ZNF420: variants seen among roughly 807,000 people sequenced by gnomAD.
ZNF420 encodes the protein ATM and p53-associated KZNF protein.
A neutral mutation model predicts 44.7 loss-of-function variants in ZNF420; 31 were observed. That is an observed-to-expected ratio of 0.69 (90% CI 0.52 to 0.94). The LOEUF is 0.94. ZNF420 is among the 40% of genes least tolerant of loss of function. The probability of loss-of-function intolerance (pLI) is 0.00; values close to 1 mark genes in which losing one functional copy is unlikely to be tolerated. For missense variants in ZNF420, 681 were observed against 827.9 expected (o/e 0.82, Z 2.18); for synonymous variants, 245 against 267.4 (o/e 0.92, Z 0.82).
intron 1 of ZNF420, among the ~76,000 whole-genome samples, chr19:37,042,248 C>T (rs1367489831): frequency 1.3e-5 from 2 of 152,226 alleles, no homozygotes; most frequent in African/African-American, 2.4e-5. Context: ...CCACCTGCCT[C>T]AGCCTCCCAA....
intron 1 of ZNF420, among the ~76,000 whole-genome samples, chr19:37,017,854 T>C (rs2074619016): frequency 6.6e-6 from 1 of 152,102 alleles, no homozygotes; most frequent in Non-Finnish European, 1.5e-5. Context: ...GGCATCCAAA[T>C]TGAAGACAAT....
At chr19:37,119,105 C>G (rs1219856895) in intron 4 of ZNF420, among the ~76,000 whole-genome samples, 2 of 152,122 alleles carry the variant, frequency 1.3e-5, no homozygotes, top group Non-Finnish European at 2.9e-5. Flanking sequence ...GAACTCAGCT[C>G]TGCACCAAGC....
intron 1 of ZNF420, among the ~76,000 whole-genome samples, chr19:37,008,608 A>G (rs932311159): frequency 1.3e-5 from 2 of 152,218 alleles, no homozygotes; most frequent in Non-Finnish European, 2.9e-5. Context: ...TCTCTGACAA[A>G]TGAAGCCACA....
At chr19:37,017,012 T>G (rs1211013229) in intron 1 of ZNF420, among the ~76,000 whole-genome samples, 3 of 152,280 alleles carry the variant, frequency 2.0e-5, no homozygotes, top group African/African-American at 7.2e-5. Flanking sequence ...AAGTGCAGAA[T>G]TCTTACTATT....
intron 2 of ZNF420, among the ~76,000 whole-genome samples, chr19:37,087,719 C>T (rs1423401422): frequency 1.3e-5 from 2 of 152,188 alleles, no homozygotes; most frequent in Non-Finnish European, 2.9e-5. Flanking sequence ...GATCTCGGCT[C>T]GCTGCAAGCT....
chr19:37,101,644 G>A (rs530225542), intron 4 of ZNF420, among the ~76,000 whole-genome samples: 1 of 152,350 alleles, frequency 6.6e-6, no homozygotes, highest in East Asian at 1.9e-4. Context: ...CAGCATTAAA[G>A]GGCATTAAGC....
chr19:37,057,942 CCTG>C (rs1568432579), intron 1 of ZNF420, among the ~76,000 whole-genome samples: 3 of 152,276 alleles, frequency 2.0e-5, no homozygotes, highest in African/African-American at 7.2e-5. Flanking sequence ...GACAACAATA[CCTG>C]CTGTCACTGG....
chr19:37,128,628 T>G lies in ZNF420; in HGVS notation c.1637T>G (p.Leu546Arg). 4.3e-6 allele frequency: 7 copies of G among 1,614,084 alleles called. No individual in the cohort carries two copies. Among genetic ancestry groups the G allele is most frequent in the Non-Finnish European group, 5.9e-6 (7 of 1,179,976 alleles). ...AAGGCCTTTGCGCGTGGCTTACTAC[T>G]TATACAACATCAGAGAATTCATACT... ...CGKAFARGLL[L>R]IQHQRIHTGE... is the part of the protein sequence containing the mutation. The change falls in exon 5 of 5, where the codon CTT (leucine) becomes CGT (arginine). Residue 546 changes from leucine (L) to arginine (R), a missense_variant. Around this residue, in one of 3 missense-constraint regions of ZNF420, gnomAD observed 280 missense variants for 338.6 expected, o/e 0.83. Coordinates refer to ENST00000337995, the MANE Select transcript of ZNF420 (RefSeq NM_144689.5).
rs1303990866 is a variant in ZNF420, at chr19:37,127,978, T to A, written c.987T>A (p.His329Gln). The change falls in exon 5 of 5, where the codon CAT becomes CAA. Residue 329 changes from histidine to glutamine, a missense_variant. His to Gln is a conservative substitution (Grantham distance 24, BLOSUM62 0). Around this residue, in one of 3 missense-constraint regions of ZNF420, gnomAD observed 51 missense variants for 106.8 expected, o/e 0.48. Coordinates refer to ENST00000337995, the MANE Select transcript of ZNF420 (RefSeq NM_144689.5). ...AGCTTTCTCAACATCAGAAAATTCA[T>A]AATGGGGAAAAACCATATGAATGTA... ...GSQLSQHQKI[H>Q]NGEKPYECKE... is the part of the protein sequence containing the mutation. The A allele has an allele frequency of 2.5e-6, 4 of 1,613,728 alleles. No individual in the cohort carries two copies. In the African/African-American group the frequency reaches 5.3e-5, roughly 22 times the overall value.
intron 4 of ZNF420, among the ~76,000 whole-genome samples, chr19:37,113,038 G>A (rs1388702125): frequency 1.3e-5 from 2 of 152,148 alleles, no homozygotes. Flanking sequence ...TGTGACAGTG[G>A]GGGTTGTTGT....
intron 1 of ZNF420, among the ~76,000 whole-genome samples, chr19:37,013,570 G>A (rs2074587943): frequency 6.6e-6 from 1 of 152,178 alleles, no homozygotes; most frequent in African/African-American, 2.4e-5. Context: ...CCAGCTTCAG[G>A]GGACAGATGG....
At chr19:37,120,545 T>C (rs770542772) in intron 4 of ZNF420, among the ~76,000 whole-genome samples, 16 of 152,102 alleles carry the variant, frequency 1.1e-4, no homozygotes, top group Non-Finnish European at 2.4e-4. Context: ...CTGGAAGCAC[T>C]CACTTTGAAA....
chr19:37,038,017 GAGAA>G (rs1392510963), intron 1 of ZNF420, among the ~76,000 whole-genome samples: 2 of 152,130 alleles, frequency 1.3e-5, no homozygotes, highest in Admixed American at 1.3e-4. Context: ...TGAGCCAGGT[GAGAA>G]AGAAAAGCCA....
chr19:37,095,160 T>C (rs1969371969), intron 4 of ZNF420, among the ~76,000 whole-genome samples: 1 of 151,942 alleles, frequency 6.6e-6, no homozygotes, highest in Admixed American at 6.6e-5. Context: ...AATATCTTTG[T>C]TGATTTGTAG....
At chr19:37,012,806 G>A (rs2146370248) in intron 1 of ZNF420, among the ~76,000 whole-genome samples, 1 of 139,258 alleles carries the variant, frequency 7.2e-6, no homozygotes, top group Non-Finnish European at 1.5e-5. Flanking sequence ...GTGTGTGTGT[G>A]TGTGTGTCTC....
At chr19:37,019,330 T>C (rs1373556750) in intron 1 of ZNF420, among the ~76,000 whole-genome samples, 2 of 152,200 alleles carry the variant, frequency 1.3e-5, no homozygotes, top group African/African-American at 4.8e-5. Context: ...AAGGAGATAC[T>C]ACTTTATCTC....
chr19:37,021,345 G>A (rs990626126), intron 1 of ZNF420, among the ~76,000 whole-genome samples: 7 of 151,662 alleles, frequency 4.6e-5, no homozygotes, highest in Admixed American at 2.6e-4. Flanking sequence ...TCTGCTCACC[G>A]CAACTTCTGC....
chr19:37,052,305 C>G (rs1388297481), intron 1 of ZNF420, among the ~76,000 whole-genome samples: 1 of 151,912 alleles, frequency 6.6e-6, no homozygotes, highest in Non-Finnish European at 1.5e-5. Flanking sequence ...TGGGTCTTGA[C>G]TCTTTATCCA....
chr19:37,054,595 T>C (rs975419233), intron 1 of ZNF420, among the ~76,000 whole-genome samples: 3 of 152,210 alleles, frequency 2.0e-5, no homozygotes, highest in African/African-American at 4.8e-5. Flanking sequence ...AGCGTCAGCC[T>C]TGGTCTTTGA....
Sources: allele counts gnomAD v4.1 joint callset (sites outside exome capture counted in the v4.1 genomes callset), GRCh38; gene constraint gnomAD v4.1.1; regional missense constraint gnomAD v4.1.1; transcripts MANE v1.5; gene names NCBI Gene and HGNC (gene_info 2026-07-23, HGNC 2026-07-21).